Variants in ZNF723 observed in about 807,000 individuals in gnomAD.
ZNF723 encodes zinc finger protein 723, also known as zinc finger protein 723, pseudogene.
A neutral mutation model predicts 9.4 loss-of-function variants in ZNF723; 5 were observed. That is an observed-to-expected ratio of 0.53 (90% confidence interval 0.28 to 1.12). The LOEUF (loss-of-function observed/expected upper bound fraction) is 1.12, where lower values mean the gene tolerates loss of function less well. ZNF723 is among the 50% of genes most tolerant of loss of function. ZNF723 has a pLI of 0.10. For synonymous variants in ZNF723, 158 were observed against 168.8 expected (o/e 0.94, Z 0.49); for missense variants, 450 against 501.5 (o/e 0.90, Z 0.98).
At position 22,857,317 on chromosome 19, in the gene ZNF723, C is replaced by A; in HGVS notation, c.426C>A (p.Ser142Arg). The change falls in exon 4 of 4, where the codon AGC (serine) becomes AGA (arginine). Residue 142 changes from serine to arginine, a missense_variant. Ser to Arg is a moderately radical substitution (Grantham distance 110). Transcript: ENST00000600766. ...ELKQCLTTTP[S>R]KIFQCDKYVK... Reference sequence around the variant, plus strand: ...AGCAATGTTTGACAACTACCCCGAGCAAAATATTTCAATGTGATAAATATG... The same window carrying A: ...AGCAATGTTTGACAACTACCCCGAGAAAAATATTTCAATGTGATAAATATG... 1 of 820,516 alleles carries A rather than the reference C, an allele frequency of 1.2e-6. No homozygotes were observed. The highest frequency in any genetic ancestry group is 2.2e-6 in the Non-Finnish European group (1 of 458,138). The allele number at this position is 820,516 out of a possible 1,614,324, so 50.8% of individuals were successfully genotyped here. A position where few individuals can be genotyped will look rare whatever the true frequency, so the allele number is the denominator to read the frequency against.
intron 1 of ZNF723, among the ~76,000 whole-genome samples, chr19:22,839,700 C>A (rs1967215821): frequency 2.6e-5 from 4 of 152,038 alleles, no homozygotes; most frequent in Admixed American, 2.0e-4. Context: ...CTCTCGAACT[C>A]CCGGCCTCAA....
chr19:22,854,177 T>G (rs1048923382), intron 3 of ZNF723, among the ~76,000 whole-genome samples: 3 of 151,726 alleles, frequency 2.0e-5, no homozygotes, highest in Non-Finnish European at 4.4e-5. Flanking sequence ...ACACACACAT[T>G]TGTTATGTTT....
chr19:22,833,422 A>G (rs1357409613), intron 1 of ZNF723, among the ~76,000 whole-genome samples: 1 of 151,924 alleles, frequency 6.6e-6, no homozygotes, highest in East Asian at 1.9e-4. Context: ...AAGTGCTGGG[A>G]GTACAGGCGT....
At chr19:22,845,014 G>A (rs1170651884) in intron 1 of ZNF723, among the ~76,000 whole-genome samples, 1 of 152,156 alleles carries the variant, frequency 6.6e-6, no homozygotes, top group African/African-American at 2.4e-5. Flanking sequence ...AGCTACTTGG[G>A]AGGCTGAGGC....
At position 22,833,200 on chromosome 19, in the gene ZNF723, TG is replaced by T. The variant is rs1967119573; in HGVS notation, c.3+820del. On this transcript the variant is annotated intron_variant, in intron 1 of 3. Transcript: ENST00000600766. The stretch of plus-strand genomic sequence containing the variant: ...CGGAATTTCACTCTTTCGCCTAGAC[TG>T]GAGTACCGTGGCGCAATCTCGGCTC... Among the ~76,000 whole-genome samples, 4 of 152,302 alleles carry T rather than the reference TG, an allele frequency of 2.6e-5. No individual in the cohort carries two copies. In the South Asian group the frequency reaches 8.3e-4, roughly 32 times the overall value.
chr19:22,855,506 G>A (rs1003249741), intron 3 of ZNF723, among the ~76,000 whole-genome samples: 1 of 152,066 alleles, frequency 6.6e-6, no homozygotes, highest in African/African-American at 2.4e-5. Context: ...TGGTACTACA[G>A]GTGTGAGTCA....
chr19:22,812,860 G>A, the ZNF723 span, among the ~76,000 whole-genome samples: 1 of 152,184 alleles, frequency 6.6e-6, no homozygotes, highest in African/African-American at 2.4e-5. Flanking sequence ...AGCATCCACA[G>A]TCTGTAGGAG....
chr19:22,846,102 C>T (rs1044502256), intron 1 of ZNF723, among the ~76,000 whole-genome samples: 9 of 152,044 alleles, frequency 5.9e-5, no homozygotes, highest in East Asian at 1.9e-4. Context: ...AAGTTCTCCA[C>T]ATCATGGCTT....
chr19:22,857,520 T>C lies in ZNF723; in HGVS notation c.629T>C (p.Phe210Ser), dbSNP rs955977114. 1.3e-4 allele frequency: 158 copies of C among 1,235,872 alleles called. No individual in the cohort carries two copies. Among genetic ancestry groups the C allele is most frequent in the Non-Finnish European group, 1.8e-4 (147 of 837,008 alleles). The allele number at this position is 1,235,872 out of a possible 1,614,324, so 76.6% of individuals were successfully genotyped here. A position where few individuals can be genotyped will look rare whatever the true frequency, so the allele number is the denominator to read the frequency against. The change falls in exon 4 of 4, where the codon TTT becomes TCT. Residue 210 changes from phenylalanine (F) to serine (S), a missense_variant. Physicochemically the swap from Phe to Ser is radical, Grantham distance 155 (BLOSUM62 -2). Transcript: ENST00000600766. Reference protein sequence around the residue: ...CYKCEECGKAFSVPSKLNNHK... With the variant: ...CYKCEECGKASSVPSKLNNHK... ...AAATGTGAAGAATGTGGCAAAGCCT[T>C]TAGTGTGCCCTCAAAGCTTAATAAT... is the stretch of plus-strand genomic sequence containing the variant.
At chr19:22,818,625 T>C in the ZNF723 span, among the ~76,000 whole-genome samples, 1 of 152,238 alleles carries the variant, frequency 6.6e-6, no homozygotes, top group Non-Finnish European at 1.5e-5. Context: ...GTTAGTCATA[T>C]CTATGGACTT....
At chr19:22,839,474 T>G (rs1472570433) in intron 1 of ZNF723, among the ~76,000 whole-genome samples, 3 of 149,822 alleles carry the variant, frequency 2.0e-5, no homozygotes, top group African/African-American at 7.4e-5. Context: ...TGGTTTTTTT[T>G]TTTTTTTTTT....
intron 1 of ZNF723, among the ~76,000 whole-genome samples, chr19:22,832,936 C>T (rs561490294): frequency 1.3e-5 from 2 of 152,280 alleles, no homozygotes; most frequent in Admixed American, 1.3e-4. Flanking sequence ...GGCACAGTTA[C>T]GTAGTTTCCT....
the ZNF723 span, among the ~76,000 whole-genome samples, chr19:22,815,353 C>G: frequency 6.6e-6 from 1 of 152,118 alleles, no homozygotes; most frequent in Admixed American, 6.5e-5. Context: ...TCACTGGACC[C>G]AGGCACCAGG....
At chr19:22,856,415 T>TA (rs756200066) in intron 3 of ZNF723, among the ~76,000 whole-genome samples, 5 of 152,234 alleles carry the variant, frequency 3.3e-5, no homozygotes, top group African/African-American at 7.2e-5. Flanking sequence ...AGGACATTAT[T>TA]AAAATCTACC....
At chr19:22,838,324 C>T (rs934204063) in intron 1 of ZNF723, among the ~76,000 whole-genome samples, 4 of 151,874 alleles carry the variant, frequency 2.6e-5, no homozygotes, top group Admixed American at 1.3e-4. Flanking sequence ...GAGGCTGAGG[C>T]GAGTGGATCA....
intron 1 of ZNF723, among the ~76,000 whole-genome samples, chr19:22,839,833 A>G (rs1967218025): frequency 6.6e-6 from 1 of 152,114 alleles, no homozygotes; most frequent in Non-Finnish European, 1.5e-5. Flanking sequence ...GTGAGAAGGT[A>G]TCTCATTGTG....
chr19:22,847,660 G>A (rs1422510527), intron 1 of ZNF723, among the ~76,000 whole-genome samples: 1 of 151,984 alleles, frequency 6.6e-6, no homozygotes, highest in South Asian at 2.1e-4. Flanking sequence ...TGTTAATATA[G>A]CACTCAAAAA....
chr19:22,855,219 T>G (rs1967459238), intron 3 of ZNF723, among the ~76,000 whole-genome samples: 1 of 150,892 alleles, frequency 6.6e-6, no homozygotes, highest in East Asian at 1.9e-4. Context: ...TTTTATATGA[T>G]TATGTGTTTT....
the ZNF723 span, among the ~76,000 whole-genome samples, chr19:22,816,216 C>A: frequency 1.3e-5 from 2 of 152,156 alleles, no homozygotes; most frequent in African/African-American, 2.4e-5. Context: ...GAGATTGTGA[C>A]ACTCATATAT....
Sources: allele counts gnomAD v4.1 joint callset (sites outside exome capture counted in the v4.1 genomes callset), GRCh38; gene constraint gnomAD v4.1.1; transcripts MANE v1.5; gene names NCBI Gene and HGNC (gene_info 2026-07-23, HGNC 2026-07-21).